The following PTPRM variants were observed in gnomAD, a reference collection of about 807,000 sequenced individuals.
PTPRM encodes protein tyrosine phosphatase receptor type M, also known as receptor-type tyrosine-protein phosphatase mu.
Under a neutral mutation model 186.7 loss-of-function variants are expected in PTPRM, and 47 were observed. The observed-to-expected ratio is 0.25, with a 90% CI of 0.20 to 0.32. PTPRM has a LOEUF of 0.32. Ranked by LOEUF, PTPRM falls within the 10% of genes least tolerant of loss-of-function variation. The probability of loss-of-function intolerance (pLI) is 1.00; values close to 1 mark genes in which losing one functional copy is unlikely to be tolerated. For missense variants in PTPRM, 1,494 were observed against 1,865.0 expected, an observed-to-expected ratio of 0.80 and a Z score of 3.66; for synonymous variants, 668 against 674.9, an observed-to-expected ratio of 0.99 and a Z score of 0.16.
chr18:8,282,700 A>G (rs2094916959), intron 19 of PTPRM, among the ~76,000 whole-genome samples: 1 of 152,152 alleles, frequency 6.6e-6, no homozygotes, highest in Admixed American at 6.5e-5. Context: ...CAACAGATTT[A>G]CTACATGACC....
At chr18:7,632,814 T>G (rs1567994916) in intron 1 of PTPRM, among the ~76,000 whole-genome samples, 1 of 152,178 alleles carries the variant, frequency 6.6e-6, no homozygotes, top group Admixed American at 6.5e-5. Context: ...GCATGCCTGA[T>G]TAGTACAGCT....
intron 4 of PTPRM, among the ~76,000 whole-genome samples, chr18:7,922,192 T>C (rs1014508962): frequency 1.3e-5 from 2 of 152,180 alleles, no homozygotes; most frequent in Non-Finnish European, 2.9e-5. Flanking sequence ...AAAAGGGATA[T>C]ACCAGTAGTG....
chr18:8,305,188 C>T (rs1321997678), intron 20 of PTPRM, among the ~76,000 whole-genome samples: 1 of 152,056 alleles, frequency 6.6e-6, no homozygotes, highest in African/African-American at 2.4e-5. Flanking sequence ...CTTGTTTGCC[C>T]ACCATTCTTC....
At chr18:8,170,379 C>T (rs781596306) in intron 14 of PTPRM, among the ~76,000 whole-genome samples, 1 of 151,992 alleles carries the variant, frequency 6.6e-6, no homozygotes, top group Non-Finnish European at 1.5e-5. Flanking sequence ...AGTCCTTGCT[C>T]CTTCAAACTA....
intron 2 of PTPRM, among the ~76,000 whole-genome samples, chr18:7,865,976 G>T (rs766524370): frequency 6.6e-6 from 1 of 152,064 alleles, no homozygotes; most frequent in Admixed American, 6.6e-5. Flanking sequence ...TTTTGTAGAG[G>T]TGTTTATAGT....
At chr18:7,740,739 A>C (rs180726162) in intron 1 of PTPRM, among the ~76,000 whole-genome samples, 1 of 152,348 alleles carries the variant, frequency 6.6e-6, no homozygotes, top group East Asian at 1.9e-4. Context: ...TTTTAAAGGC[A>C]GAAAAAGGAG....
intron 1 of PTPRM, among the ~76,000 whole-genome samples, chr18:7,712,714 G>A (rs1178128391): frequency 4.0e-5 from 6 of 151,858 alleles, no homozygotes; most frequent in African/African-American, 1.5e-4. Flanking sequence ...CGAGAACTTC[G>A]TGAAGCATAC....
At chr18:8,117,579 A>T (rs1386217537) in intron 13 of PTPRM, among the ~76,000 whole-genome samples, 1 of 152,180 alleles carries the variant, frequency 6.6e-6, no homozygotes, top group African/African-American at 2.4e-5. Context: ...TTAAATATAA[A>T]CTTCATAAAA....
chr18:7,593,783 T>C (rs1009614066), intron 1 of PTPRM, among the ~76,000 whole-genome samples: 5 of 152,220 alleles, frequency 3.3e-5, no homozygotes, highest in Admixed American at 3.3e-4. Context: ...CTTACTCAGA[T>C]ATAATGCTTT....
chr18:7,992,461 A>G (rs935166912), intron 7 of PTPRM, among the ~76,000 whole-genome samples: 7 of 152,104 alleles, frequency 4.6e-5, no homozygotes, highest in Non-Finnish European at 1.0e-4. Context: ...TGAGAAGCCA[A>G]ACTTCACATT....
chr18:8,105,303 T>C (rs1481964726), intron 11 of PTPRM, among the ~76,000 whole-genome samples: 1 of 152,206 alleles, frequency 6.6e-6, no homozygotes, highest in East Asian at 1.9e-4. Context: ...TGAGTTTTAT[T>C]GTATTAAAAA....
At chr18:8,211,377 C>CTTTTTTTTTTTTTT (rs970926126) in intron 14 of PTPRM, among the ~76,000 whole-genome samples, 199 of 87,234 alleles carry the variant, frequency 2.3e-3, no homozygotes, top group South Asian at 2.9e-3. Context: ...GTCTCTTCTT[C>CTTTTTTTTTTTTTT]TTTTTTTTTT....
intron 1 of PTPRM, among the ~76,000 whole-genome samples, chr18:7,602,822 TA>T (rs2037436158): frequency 6.7e-6 from 1 of 149,178 alleles, no homozygotes; most frequent in Admixed American, 6.7e-5. Context: ...ATATATATAA[TA>T]TATATATTTC....
intron 2 of PTPRM, among the ~76,000 whole-genome samples, chr18:7,875,995 G>A (rs1325987201): frequency 1.3e-5 from 2 of 152,130 alleles, no homozygotes. Flanking sequence ...GAATACTATG[G>A]TAAGTATTTG....
intron 14 of PTPRM, chr18:8,154,575 T>C (rs901238317): frequency 1.3e-5 from 2 of 152,236 alleles, no homozygotes; most frequent in Non-Finnish European, 2.9e-5. Flanking sequence ...ACTGGAAAAT[T>C]GCTTGACATT....
chr18:8,204,895 G>C (rs2093907383), intron 14 of PTPRM, among the ~76,000 whole-genome samples: 2 of 152,142 alleles, frequency 1.3e-5, no homozygotes, highest in Non-Finnish European at 2.9e-5. Context: ...TCAGAGTGTG[G>C]AAAGAGTTTG....
At chr18:7,794,799 A>G (rs1262849974) in intron 2 of PTPRM, among the ~76,000 whole-genome samples, 2 of 152,188 alleles carry the variant, frequency 1.3e-5, no homozygotes, top group Non-Finnish European at 2.9e-5. Context: ...AAATCTTGGC[A>G]TCTATTTAAT....
At chr18:7,823,405 A>G (rs2045313341) in intron 2 of PTPRM, among the ~76,000 whole-genome samples, 1 of 152,220 alleles carries the variant, frequency 6.6e-6, no homozygotes, top group Non-Finnish European at 1.5e-5. Flanking sequence ...CCCAGCAGGC[A>G]GATATAAATT....
intron 19 of PTPRM, among the ~76,000 whole-genome samples, chr18:8,267,986 T>A (rs886415778): frequency 6.6e-6 from 1 of 152,204 alleles, no homozygotes; most frequent in African/African-American, 2.4e-5. Context: ...CTAATGTGTC[T>A]AAGCTCTTTT....
Sources: allele counts gnomAD v4.1 joint callset (sites outside exome capture counted in the v4.1 genomes callset), GRCh38; gene constraint gnomAD v4.1.1; transcripts MANE v1.5; gene names NCBI Gene and HGNC (gene_info 2026-07-23, HGNC 2026-07-21).